FERMT1: variants seen among roughly 807,000 people sequenced by gnomAD.
FERMT1 encodes the protein fermitin family homolog 1.
FERMT1 carries 60 observed loss-of-function variants against 85.3 expected under a neutral mutation model. The ratio of observed to expected loss-of-function variants is 0.70; its 90% CI spans 0.57 to 0.87. The LOEUF (loss-of-function observed/expected upper bound fraction) is 0.87, where lower values mean the gene tolerates loss of function less well. FERMT1 is among the 40% of genes least tolerant of loss of function. The pLI, the probability that FERMT1 is intolerant of heterozygous loss-of-function variation, is 0.00. For missense variants in FERMT1, 701 were observed against 818.9 expected (o/e 0.86, Z 1.76); for synonymous variants, 275 against 301.1 (o/e 0.91, Z 0.90).
In FERMT1 at chr20:6,075,747, C is replaced by A. The variant is rs972750073; in HGVS notation, c.*1426G>T. On this transcript the variant is annotated 3_prime_UTR_variant, in exon 15 of 15. Transcript: ENST00000217289. ...TGGCCAGGCTCCCTGAGGGGTGCATCCTAGGAGAACTGAAAAATGGGATTG... is the reference window on the plus strand; with the variant it reads ...TGGCCAGGCTCCCTGAGGGGTGCATACTAGGAGAACTGAAAAATGGGATTG... 24 of 152,398 alleles carry A rather than the reference C, an allele frequency of 1.6e-4. No homozygotes were observed. The highest frequency in any genetic ancestry group is 5.8e-4 in the African/African-American group (24 of 41,544). The allele number at this position is 152,398 out of a possible 1,614,324, so 9.4% of individuals were successfully genotyped here. A position where few individuals can be genotyped will look rare whatever the true frequency, so the allele number is the denominator to read the frequency against.
chr20:6,077,209 C>T lies in FERMT1; in HGVS notation c.1998G>A (p.Glu666=). 1 of 1,614,132 alleles carries T rather than the reference C, an allele frequency of 6.2e-7. No individual in the cohort carries two copies. Among genetic ancestry groups the T allele is most frequent in the East Asian group, 2.2e-5 (1 of 44,884 alleles). The change falls in exon 15 of 15, where the codon GAG becomes GAA. Residue 666 remains glutamate, a synonymous_variant. Transcript: ENST00000217289. ...CGCCGGTCAATTTGTGGAACAAGTC[C>T]TCATCGAGTGTTTCATTCTGGTCCT... ...RSKDQNETLD[E]DLFHKLTGGQ...
chr20:6,122,086 T>C (rs187256929), intron 1 of FERMT1, among the ~76,000 whole-genome samples: 4 of 152,366 alleles, frequency 2.6e-5, no homozygotes, highest in Non-Finnish European at 4.4e-5. Flanking sequence ...CTGGGCAATC[T>C]GATATAAGGT....
At chr20:6,079,234 T>C (rs1981924710) in intron 14 of FERMT1, among the ~76,000 whole-genome samples, 1 of 152,260 alleles carries the variant, frequency 6.6e-6, no homozygotes, top group Non-Finnish European at 1.5e-5. Flanking sequence ...CTTGCAGTGC[T>C]AATGCAAGAG....
chr20:6,096,755 G>A, intron 8 of FERMT1, 147 bp downstream of exon 8: 2 of 861,784 alleles, frequency 2.3e-6, no homozygotes, highest in Non-Finnish European at 3.6e-6. Context: ...TAGTTCACTA[G>A]GTTGAAGCTT....
intron 13 of FERMT1, among the ~76,000 whole-genome samples, chr20:6,081,536 A>T (rs1326297310): frequency 2.6e-5 from 4 of 152,176 alleles, no homozygotes; most frequent in African/African-American, 9.7e-5. Context: ...ATGGGTGGCC[A>T]AGAGGTGACC....
rs1448204380 is a variant in FERMT1 at position 6,122,968 on chromosome 20, C to T, written c.-213G>A. On this transcript the variant is annotated 5_prime_UTR_variant, in exon 1 of 15. Coordinates refer to ENST00000217289, the MANE Select transcript of FERMT1 (RefSeq NM_017671.5). ...AGCCAGGGCGAGCAGGCGAAGCTGC[C>T]TCGGGACCTCCCACGGAGGCTCGGT... 1 of 152,274 alleles carries T rather than the reference C, an allele frequency of 6.6e-6. No homozygotes were observed. The highest frequency in any genetic ancestry group is 2.4e-5 in the African/African-American group (1 of 41,460). The allele number at this position is 152,274 out of a possible 1,614,324, so 9.4% of individuals were successfully genotyped here. A position where few individuals can be genotyped will look rare whatever the true frequency, so the allele number is the denominator to read the frequency against.
At chr20:6,107,704 ATATAT>A (rs1276810258) in intron 5 of FERMT1, 70 bp from the exon 6 acceptor site, 11 of 751,722 alleles carry the variant, frequency 1.5e-5, no homozygotes, top group African/African-American at 5.2e-5. Context: ...TTATTATGTC[ATATAT>A]TATATACTAC....
intron 5 of FERMT1, among the ~76,000 whole-genome samples, chr20:6,108,698 T>C (rs1046440654): frequency 2.0e-5 from 3 of 151,684 alleles, no homozygotes; most frequent in African/African-American, 7.3e-5. Flanking sequence ...TAATCTCAGC[T>C]ACTTGGGAGG....
At chr20:6,110,604 T>C in intron 4 of FERMT1, 93 bp from the exon 5 acceptor site, 1 of 1,070,862 alleles carries the variant, frequency 9.3e-7, no homozygotes, top group Non-Finnish European at 1.4e-6. Flanking sequence ...AAAATGAGTT[T>C]TGACTTTAAA....
intron 14 of FERMT1, among the ~76,000 whole-genome samples, chr20:6,078,130 C>CT (rs1269702020): frequency 6.6e-6 from 1 of 152,212 alleles, no homozygotes; most frequent in Non-Finnish European, 1.5e-5. Context: ...ATTGAAATCA[C>CT]TTGTGGACCT....
chr20:6,102,653 G>C (rs377744270), intron 6 of FERMT1, among the ~76,000 whole-genome samples: 22 of 141,792 alleles, frequency 1.6e-4, no homozygotes, highest in African/African-American at 5.5e-4. Flanking sequence ...CCCCAGCCTA[G>C]GTGACAGAGT....
rs1982579651 is a variant in FERMT1 at position 6,098,926 on chromosome 20, T to C, written c.850-1295A>G. On this transcript the variant is annotated intron_variant, in intron 6 of 14. Coordinates refer to ENST00000217289, the MANE Select transcript of FERMT1 (RefSeq NM_017671.5). The stretch of plus-strand genomic sequence containing the variant: ...GTTCTTTAAAAAGTTAAACATAGAA[T>C]ATAATCCATCAATCCTACTCCTAGC... Among the ~76,000 whole-genome samples the C allele has an allele frequency of 2.0e-5, 3 of 152,258 alleles. No individual in the cohort carries two copies. In the East Asian group the frequency reaches 5.8e-4, roughly 29 times the overall value.
intron 9 of FERMT1, among the ~76,000 whole-genome samples, chr20:6,093,822 G>A (rs543081948): frequency 2.0e-5 from 3 of 152,310 alleles, no homozygotes; most frequent in Non-Finnish European, 4.4e-5. Context: ...CAGGCGTGAT[G>A]ATGGGCACCT....
At chr20:6,113,491 A>G (rs1983015870) in intron 3 of FERMT1, among the ~76,000 whole-genome samples, 1 of 151,996 alleles carries the variant, frequency 6.6e-6, no homozygotes. Context: ...CCATCAGCTC[A>G]TTTTATCCCT....
intron 14 of FERMT1, 34 bp downstream of exon 14, chr20:6,079,402 G>T (rs544476736): frequency 6.2e-7 from 1 of 1,610,818 alleles, no homozygotes; most frequent in South Asian, 1.1e-5. Context: ...ACATTTATAG[G>T]CTCAACACTG....
rs148074631 is a variant in FERMT1 at position 6,077,213 on chromosome 20, T to G, written c.1994A>C (p.Asp665Ala). The change falls in exon 15 of 15, where the codon GAT (aspartate) becomes GCT (alanine). Residue 665 changes from aspartate to alanine, a missense_variant. Coordinates refer to ENST00000217289, the MANE Select transcript of FERMT1 (RefSeq NM_017671.5). The part of the protein sequence containing the change: ...TRSKDQNETL[D>A]EDLFHKLTGG... ...GGTCAATTTGTGGAACAAGTCCTCA[T>G]CGAGTGTTTCATTCTGGTCCTTGGA... The G allele has an allele frequency of 4.5e-5, 72 of 1,614,072 alleles. No homozygotes were observed. Among genetic ancestry groups the G allele is most frequent in the Non-Finnish European group, 5.0e-5 (59 of 1,180,056 alleles).
intron 11 of FERMT1, among the ~76,000 whole-genome samples, chr20:6,086,090 C>T (rs1163744262): frequency 3.3e-5 from 5 of 150,468 alleles, no homozygotes; most frequent in African/African-American, 2.5e-5. Flanking sequence ...TGCAGTGAGC[C>T]GAGATTGCAC....
rs1982913214 is a variant in FERMT1 at position 6,110,385 on chromosome 20, G to T, written c.659C>A (p.Ala220Glu). The change falls in exon 5 of 15, where the codon GCA becomes GAA. Residue 220 changes from alanine (A) to glutamate (E), a missense_variant. By Grantham distance (107) the Ala-to-Glu change is moderately radical. Coordinates refer to ENST00000217289, the MANE Select transcript of FERMT1 (RefSeq NM_017671.5). Reference protein sequence around the residue: ...PLTEQNCSILAFSQPPQSPEA... With the variant: ...PLTEQNCSILEFSQPPQSPEA... ...TGGGGACTGGGGGGGTTGGCTGAAT[G>T]CGAGGATGCTGCAGTTTTGTTCCGT... 2 of 1,614,016 alleles carry T rather than the reference G, an allele frequency of 1.2e-6. No individual in the cohort carries two copies. Among genetic ancestry groups the T allele is most frequent in the Non-Finnish European group, 1.7e-6 (2 of 1,179,966 alleles).
rs1421440170 is a variant in FERMT1 at position 6,084,981 on chromosome 20, C to T, written c.1593+85G>A. On this transcript the variant is annotated intron_variant, in intron 12 of 14. Transcript: ENST00000217289. ...GTGCTGGAATTACAGGTGTGAGCCA[C>T]CATGCCCAGCCGGAAATCCTCCTTT... The T allele has an allele frequency of 3.0e-6, 4 of 1,347,676 alleles. No individual in the cohort carries two copies. The Admixed American group carries it at 5.2e-5, about 17-fold the overall frequency. The allele number at this position is 1,347,676 out of a possible 1,614,324, so 83.5% of individuals were successfully genotyped here.
Sources: allele counts gnomAD v4.1 joint callset (sites outside exome capture counted in the v4.1 genomes callset), GRCh38; gene constraint gnomAD v4.1.1; transcripts MANE v1.5; gene names NCBI Gene and HGNC (gene_info 2026-07-23, HGNC 2026-07-21).